TENM3: variants seen among roughly 807,000 people sequenced by gnomAD.
TENM3 encodes teneurin transmembrane protein 3, also known as teneurin-3.
A neutral mutation model predicts 255.1 loss-of-function variants in TENM3; 63 were observed. The observed-to-expected ratio is 0.25, with a 90% CI of 0.20 to 0.30. The LOEUF (loss-of-function observed/expected upper bound fraction) is 0.30, where lower values mean the gene tolerates loss of function less well. Ranked by LOEUF, TENM3 falls within the 10% of genes least tolerant of loss-of-function variation. TENM3 has a pLI of 1.00. For synonymous variants in TENM3, 1,306 were observed against 1,322.3 expected, an observed-to-expected ratio of 0.99 and a Z score of 0.27; for missense variants, 2,929 against 3,461.1, an observed-to-expected ratio of 0.85 and a Z score of 3.86.
intron 3 of TENM3, among the ~76,000 whole-genome samples, chr4:182,567,742 CTATT>C (rs1743934294): frequency 7.1e-6 from 1 of 141,622 alleles, no homozygotes; most frequent in African/African-American, 2.6e-5. Context: ...CCACCCTACT[CTATT>C]TTTTTTTTAT....
chr4:181,801,010 T>C, the TENM3 span, among the ~76,000 whole-genome samples: 1 of 152,232 alleles, frequency 6.6e-6, no homozygotes, highest in East Asian at 1.9e-4. Flanking sequence ...CAAGTAATTG[T>C]GTTATGGCGA....
chr4:181,700,233 T>C, the TENM3 span, among the ~76,000 whole-genome samples: 1 of 44,396 alleles, frequency 2.3e-5, no homozygotes, highest in African/African-American at 5.5e-5. Flanking sequence ...TCAGGGTCTT[T>C]TTTTTTTTTC....
At chr4:181,628,085 C>A in the TENM3 span, among the ~76,000 whole-genome samples, 1,315 of 152,224 alleles carry the variant, frequency 8.6e-3, 24 homozygotes, top group African/African-American at 0.03. Flanking sequence ...CTCTGATGGC[C>A]AGTGATGATG....
intron 1 of TENM3, among the ~76,000 whole-genome samples, chr4:182,234,238 G>A (rs1023550602): frequency 2.6e-5 from 4 of 152,062 alleles, no homozygotes; most frequent in Non-Finnish European, 5.9e-5. Flanking sequence ...ACAAAAGTTC[G>A]TTCATCCACA....
At chr4:181,708,951 C>T in the TENM3 span, among the ~76,000 whole-genome samples, 1 of 152,146 alleles carries the variant, frequency 6.6e-6, no homozygotes, top group East Asian at 1.9e-4. Flanking sequence ...AGGAATCCAA[C>T]TTAAAAGAAC....
At chr4:182,398,329 G>C (rs1768993241) in intron 3 of TENM3, among the ~76,000 whole-genome samples, 1 of 152,044 alleles carries the variant, frequency 6.6e-6, no homozygotes, top group South Asian at 2.1e-4. Flanking sequence ...TAAGGACAAG[G>C]GGACACACAC....
At chr4:182,534,427 A>G (rs1379083343) in intron 3 of TENM3, among the ~76,000 whole-genome samples, 1 of 152,232 alleles carries the variant, frequency 6.6e-6, no homozygotes, top group Non-Finnish European at 1.5e-5. Flanking sequence ...TGTGCAAAGC[A>G]GAAAGCAAGG....
chr4:182,570,618 G>C (rs1045978069), intron 3 of TENM3, among the ~76,000 whole-genome samples: 2 of 152,194 alleles, frequency 1.3e-5, no homozygotes, highest in Non-Finnish European at 2.9e-5. Flanking sequence ...GGGAGGCCAA[G>C]GCAGGCGGAT....
At chr4:182,768,833 G>T (rs979765576) in intron 22 of TENM3, among the ~76,000 whole-genome samples, 3 of 152,130 alleles carry the variant, frequency 2.0e-5, no homozygotes, top group Admixed American at 1.3e-4. Context: ...GTCACGGAGA[G>T]CCTGAGGAAG....
chr4:181,649,582 T>C, the TENM3 span, among the ~76,000 whole-genome samples: 105 of 152,278 alleles, frequency 6.9e-4, 1 homozygote, highest in African/African-American at 2.4e-3. Flanking sequence ...GTGGGACAGT[T>C]GGGTGTCATT....
At chr4:182,544,997 T>G (rs1350704693) in intron 3 of TENM3, among the ~76,000 whole-genome samples, 1 of 152,236 alleles carries the variant, frequency 6.6e-6, no homozygotes, top group African/African-American at 2.4e-5. Flanking sequence ...AAAACGTACA[T>G]GCTGGATCTC....
the TENM3 span, among the ~76,000 whole-genome samples, chr4:181,794,847 T>G: frequency 1.3e-5 from 2 of 152,174 alleles, no homozygotes; most frequent in Non-Finnish European, 2.9e-5. Flanking sequence ...TAATCTCCAG[T>G]AATTTGCAAG....
chr4:182,388,070 A>C (rs758767686), intron 3 of TENM3, among the ~76,000 whole-genome samples: 16 of 152,130 alleles, frequency 1.1e-4, no homozygotes, highest in Non-Finnish European at 2.1e-4. Flanking sequence ...ACTTTCGCAA[A>C]TTATGAGGAA....
At chr4:182,063,541 G>A in the TENM3 span, among the ~76,000 whole-genome samples, 2 of 152,064 alleles carry the variant, frequency 1.3e-5, no homozygotes, top group Admixed American at 1.3e-4. Context: ...CCAAAACATC[G>A]AAGTATTACA....
intron 3 of TENM3, among the ~76,000 whole-genome samples, chr4:182,371,103 C>G (rs888484796): frequency 2.6e-5 from 4 of 152,000 alleles, no homozygotes; most frequent in African/African-American, 7.2e-5. Context: ...ACTAATTAGA[C>G]CAATATTCAT....
At chr4:181,896,178 A>G in the TENM3 span, among the ~76,000 whole-genome samples, 1 of 152,198 alleles carries the variant, frequency 6.6e-6, no homozygotes, top group Non-Finnish European at 1.5e-5. Flanking sequence ...GCTTCGGGAC[A>G]GTGGGTGAGT....
intron 1 of TENM3, among the ~76,000 whole-genome samples, chr4:182,269,528 C>A (rs1195399000): frequency 6.6e-6 from 1 of 152,010 alleles, no homozygotes; most frequent in Non-Finnish European, 1.5e-5. Context: ...GAATCAGCCC[C>A]TCCCTGTACA....
chr4:181,853,375 A>G, the TENM3 span, among the ~76,000 whole-genome samples: 1 of 152,248 alleles, frequency 6.6e-6, no homozygotes, highest in African/African-American at 2.4e-5. Flanking sequence ...TTATTCATGA[A>G]ATTCTCAAAA....
At chr4:181,782,091 T>G in the TENM3 span, among the ~76,000 whole-genome samples, 3 of 152,178 alleles carry the variant, frequency 2.0e-5, no homozygotes, top group Admixed American at 1.3e-4. Context: ...TTTTTTTTGT[T>G]GTATCTCTGC....
Sources: gnomAD v4.1 joint callset for allele counts (sites outside exome capture counted in the v4.1 genomes callset) on GRCh38, gnomAD v4.1.1 for gene constraint, MANE v1.5 for transcripts, NCBI Gene and HGNC (gene_info 2026-07-23, HGNC 2026-07-21) for gene names.